Variants in GAK observed in about 807,000 individuals in gnomAD.
GAK encodes cyclin G associated kinase, also known as cyclin-G-associated kinase.
Under a neutral mutation model 143.9 loss-of-function variants are expected in GAK, and 79 were observed. The ratio of observed to expected loss-of-function variants is 0.55; its 90% confidence interval spans 0.46 to 0.66. The LOEUF (loss-of-function observed/expected upper bound fraction) is 0.66. Ranked by LOEUF, GAK falls within the 30% of genes least tolerant of loss-of-function variation. GAK has a pLI of 0.00. For synonymous variants in GAK, 881 were observed against 765.5 expected (o/e 1.15, Z -2.49); for missense variants, 1,693 against 1,779.7 (o/e 0.95, Z 0.88).
chr4:881,225 T>A (rs1421857364), intron 15 of GAK, among the ~76,000 whole-genome samples: 17 of 152,158 alleles, frequency 1.1e-4, no homozygotes, highest in African/African-American at 1.4e-4. Flanking sequence ...GGGGCCGGCC[T>A]TTGCTCCTGG....
intron 24 of GAK, chr4:852,365 T>C (rs970881598): frequency 6.8e-6 from 2 of 293,472 alleles, no homozygotes; most frequent in Non-Finnish European, 1.3e-5. Context: ...TCCCCACGTC[T>C]GTAGCGTCCT....
Position 882,838 on chromosome 4 carries a change from G to A in GAK, c.1405-19C>T. 6.2e-7 allele frequency: 1 copy of A among 1,605,024 alleles called. No individual in the cohort carries two copies. Among genetic ancestry groups the A allele is most frequent in the Non-Finnish European group, 8.5e-7 (1 of 1,178,568 alleles). ...CGGAGACCTGTGGGGACAGGGCACG[G>A]TGGCACGGACGGCAGAGGAGCCCCG... On this transcript the variant is annotated intron_variant, in intron 13 of 27. Coordinates refer to ENST00000314167, the MANE Select transcript of GAK (RefSeq NM_005255.4).
At chr4:900,001 G>A (rs559517145) in intron 5 of GAK, among the ~76,000 whole-genome samples, 1 of 152,256 alleles carries the variant, frequency 6.6e-6, no homozygotes, top group African/African-American at 2.4e-5. Context: ...GCAGAGCGTG[G>A]GGCGAGGCTC....
At chr4:928,571 T>A (rs189142122) in intron 1 of GAK, among the ~76,000 whole-genome samples, 70 of 152,248 alleles carry the variant, frequency 4.6e-4, no homozygotes, top group Middle Eastern at 3.4e-3. Context: ...GGAGGACACA[T>A]GGGGCCAGCA....
At chr4:931,419 C>T (rs368062166) in intron 1 of GAK, among the ~76,000 whole-genome samples, 1 of 125,532 alleles carries the variant, frequency 8.0e-6, no homozygotes, top group Non-Finnish European at 1.7e-5. Context: ...CCTCGGCCAA[C>T]CCCCCCACCC....
intron 12 of GAK, 111 bp from the exon 13 acceptor site, chr4:883,574 C>T: frequency 8.1e-7 from 1 of 1,234,558 alleles, no homozygotes; most frequent in Admixed American, 1.9e-5. Flanking sequence ...CCTCCGGCAG[C>T]TCCACCAGCC....
chr4:866,558 G>A (rs1354099194), intron 21 of GAK, 24 bp from the exon 22 acceptor site: 1 of 1,609,234 alleles, frequency 6.2e-7, no homozygotes, highest in Non-Finnish European at 8.5e-7. Flanking sequence ...CGGGCATGGG[G>A]AGGACTCAGC....
chr4:901,811 G>A (rs974988550), intron 5 of GAK, among the ~76,000 whole-genome samples: 2 of 152,252 alleles, frequency 1.3e-5, no homozygotes, highest in African/African-American at 2.4e-5. Flanking sequence ...CGTGGCCAGA[G>A]GCGCCGCTCC....
chr4:926,024 C>G (rs1724667109), intron 1 of GAK, among the ~76,000 whole-genome samples: 1 of 151,728 alleles, frequency 6.6e-6, no homozygotes. Context: ...TCGTCCCCAA[C>G]AGTGACCTCC....
intron 10 of GAK, among the ~76,000 whole-genome samples, chr4:890,079 C>T (rs1375730459): frequency 1.3e-5 from 2 of 152,250 alleles, no homozygotes; most frequent in Non-Finnish European, 2.9e-5. Context: ...TCATTCCCAG[C>T]TCCTGGGAAG....
chr4:893,741 T>A (rs960809122), intron 8 of GAK, 133 bp downstream of exon 8: 4 of 1,109,506 alleles, frequency 3.6e-6, no homozygotes, highest in Non-Finnish European at 4.9e-6. Context: ...CCCCCAGGGA[T>A]GTTGTCAAAA....
At chr4:918,857 C>A (rs978867941) in intron 1 of GAK, among the ~76,000 whole-genome samples, 2 of 134,330 alleles carry the variant, frequency 1.5e-5, no homozygotes, top group African/African-American at 2.7e-5. Flanking sequence ...CACCCCATGA[C>A]CTTAGAAAGA....
At chr4:908,574 C>T (rs1242471320) in intron 4 of GAK, among the ~76,000 whole-genome samples, 7 of 151,394 alleles carry the variant, frequency 4.6e-5, no homozygotes, top group South Asian at 4.2e-4. Flanking sequence ...CTTGAGCTCG[C>T]GTGTTCAAGA....
chr4:854,508 G>A (rs532801206), intron 24 of GAK, among the ~76,000 whole-genome samples: 1 of 152,332 alleles, frequency 6.6e-6, no homozygotes, highest in Admixed American at 6.5e-5. Flanking sequence ...GCATTCTGAT[G>A]AGCTGTTCTG....
At chr4:872,219 C>T (rs928499325) in intron 18 of GAK, 1 of 152,340 alleles carries the variant, frequency 6.6e-6, no homozygotes. Context: ...CATCCTCTCC[C>T]TGCACGAGGG....
intron 1 of GAK, among the ~76,000 whole-genome samples, chr4:917,152 G>A (rs185740241): frequency 6.6e-6 from 1 of 152,220 alleles, no homozygotes; most frequent in African/African-American, 2.4e-5. Flanking sequence ...CAAAAAAAGA[G>A]AGTACATACA....
chr4:929,009 G>A (rs1248570493), intron 1 of GAK, among the ~76,000 whole-genome samples: 1 of 152,034 alleles, frequency 6.6e-6, no homozygotes, highest in Non-Finnish European at 1.5e-5. Context: ...TAATCCACCC[G>A]CCTCGGCCTC....
At position 867,135 on chromosome 4, in the gene GAK, G is replaced by C. The variant is rs201137296; in HGVS notation, c.2693C>G (p.Pro898Arg). ...GCTGGAGGGGGCCTTGCAGGCCTGC[G>C]GGGGTACAGCTGGCCCTGCGCCCAC... ...SEVGAGPAVPPQACKAPSSNT... is the reference protein window; with the variant it reads ...SEVGAGPAVPRQACKAPSSNT... Residue 898 changes from proline (P) to arginine (R), a missense_variant, in exon 21 of 28, where the codon CCG (proline) becomes CGG (arginine). By Grantham distance (103) the Pro-to-Arg change is moderately radical. This residue lies in a region of GAK where 822 missense variants were observed against 788.7 expected (regional missense o/e 1.04). Transcript: ENST00000314167. 4 of 1,588,252 alleles carry C rather than the reference G, an allele frequency of 2.5e-6. No individual in the cohort carries two copies. Among genetic ancestry groups the C allele is most frequent in the East Asian group, 4.5e-5 (2 of 44,318 alleles).
intron 16 of GAK, 127 bp from the exon 17 acceptor site, chr4:877,334 C>T (rs1577124937): frequency 1.4e-6 from 1 of 692,646 alleles, no homozygotes; most frequent in East Asian, 2.7e-5. Flanking sequence ...AGAATAACCC[C>T]CATGAAGAGC....
Sources: allele counts gnomAD v4.1 joint callset (sites outside exome capture counted in the v4.1 genomes callset), GRCh38; gene constraint gnomAD v4.1.1; regional missense constraint gnomAD v4.1.1; transcripts MANE v1.5; gene names NCBI Gene and HGNC (gene_info 2026-07-23, HGNC 2026-07-21).